FRK: variants seen among roughly 807,000 people sequenced by gnomAD.
The protein encoded by FRK is fyn related Src family tyrosine kinase, also known as tyrosine-protein kinase FRK.
A neutral mutation model predicts 56.4 loss-of-function variants in FRK; 51 were observed. The observed-to-expected ratio is 0.90, with a 90% CI of 0.72 to 1.14. The LOEUF is 1.14. Ranked by LOEUF, FRK falls within the 50% of genes most tolerant of loss-of-function variation. The pLI, the probability that FRK is intolerant of heterozygous loss-of-function variation, is 0.00. For missense variants in FRK, 570 were observed against 601.4 expected, an observed-to-expected ratio of 0.95 and a Z score of 0.55; for synonymous variants, 245 against 217.9, an observed-to-expected ratio of 1.12 and a Z score of -1.10.
At chr6:115,950,596 G>A (rs1489826256) in intron 5 of FRK, among the ~76,000 whole-genome samples, 1 of 152,206 alleles carries the variant, frequency 6.6e-6, no homozygotes, top group Non-Finnish European at 1.5e-5. Flanking sequence ...CAACCATTGT[G>A]GAGGACAGTG....
intron 1 of FRK, among the ~76,000 whole-genome samples, chr6:116,052,842 A>G (rs1315718099): frequency 2.0e-5 from 3 of 152,170 alleles, no homozygotes; most frequent in Non-Finnish European, 4.4e-5. Context: ...AGCTCAGACT[A>G]GAGTGGGGGT....
the FRK span, among the ~76,000 whole-genome samples, chr6:116,098,906 A>G: frequency 6.6e-6 from 1 of 152,340 alleles, no homozygotes; most frequent in South Asian, 2.1e-4. Context: ...TACAAAGGAA[A>G]GGTGAGTGGG....
intron 2 of FRK, 21 bp downstream of exon 2, chr6:116,003,856 G>C (rs1775151582): frequency 6.2e-7 from 1 of 1,611,956 alleles, no homozygotes; most frequent in Non-Finnish European, 8.5e-7. Flanking sequence ...CATATTGAAT[G>C]ACACAAAACA....
At chr6:116,045,685 A>G (rs1040729570) in intron 1 of FRK, among the ~76,000 whole-genome samples, 1 of 152,248 alleles carries the variant, frequency 6.6e-6, no homozygotes, top group Non-Finnish European at 1.5e-5. Flanking sequence ...CAAAGACTTC[A>G]AGACTAAAAG....
chr6:116,070,161 G>A, the FRK span, among the ~76,000 whole-genome samples: 1 of 147,550 alleles, frequency 6.8e-6, no homozygotes. Flanking sequence ...ACCTGCTAAA[G>A]TGACTTGCTT....
At chr6:116,084,107 C>T in the FRK span, among the ~76,000 whole-genome samples, 18 of 152,232 alleles carry the variant, frequency 1.2e-4, no homozygotes, top group African/African-American at 4.3e-4. Flanking sequence ...AAAGCAAATG[C>T]ACCAAGGCAA....
intron 2 of FRK, chr6:116,002,856 G>T: frequency 5.8e-6 from 2 of 346,962 alleles, no homozygotes; most frequent in Non-Finnish European, 1.2e-5. Flanking sequence ...CTGATATTTG[G>T]GACTACCAGG....
intron 1 of FRK, among the ~76,000 whole-genome samples, chr6:116,022,316 T>G (rs976120925): frequency 6.6e-6 from 1 of 152,092 alleles, no homozygotes; most frequent in Non-Finnish European, 1.5e-5. Context: ...TTCCAATTTG[T>G]TTTATGACAC....
chr6:115,997,086 G>A (rs1247456090), intron 2 of FRK, among the ~76,000 whole-genome samples: 1 of 152,130 alleles, frequency 6.6e-6, no homozygotes, highest in Non-Finnish European at 1.5e-5. Flanking sequence ...TATCAAAGCT[G>A]CCCTTAATGA....
At chr6:116,020,069 TCAA>T (rs966583394) in intron 1 of FRK, among the ~76,000 whole-genome samples, 7 of 152,022 alleles carry the variant, frequency 4.6e-5, no homozygotes, top group African/African-American at 7.2e-5. Flanking sequence ...TTCTAAACTA[TCAA>T]CAACAAAAAA....
intron 2 of FRK, among the ~76,000 whole-genome samples, chr6:115,992,238 T>C (rs1366492391): frequency 6.6e-6 from 1 of 151,688 alleles, no homozygotes; most frequent in Non-Finnish European, 1.5e-5. Flanking sequence ...TTGCTTTTAC[T>C]CTCTACTAAG....
At chr6:116,074,977 T>A in the FRK span, among the ~76,000 whole-genome samples, 1 of 152,096 alleles carries the variant, frequency 6.6e-6, no homozygotes, top group Non-Finnish European at 1.5e-5. Flanking sequence ...CTGGGACCTA[T>A]CCGATTCCCC....
chr6:116,016,734 T>C (rs2114725597), intron 1 of FRK, among the ~76,000 whole-genome samples: 1 of 152,306 alleles, frequency 6.6e-6, no homozygotes, highest in Non-Finnish European at 1.5e-5. Context: ...CTTCATTCTT[T>C]CTTTCTTTCT....
At chr6:115,958,704 GAAGAAAGA>G (rs778214232) in intron 4 of FRK, among the ~76,000 whole-genome samples, 24 of 6,964 alleles carry the variant, frequency 3.4e-3, no homozygotes, top group African/African-American at 9.7e-3. Context: ...AAGAAAGAAA[GAAGAAAGA>G]AAGAAAGAAA....
At chr6:115,986,394 A>C (rs9918446) in intron 2 of FRK, among the ~76,000 whole-genome samples, 477 of 152,240 alleles carry the variant, frequency 3.1e-3, no homozygotes, top group African/African-American at 0.011. Flanking sequence ...CCATGACCAA[A>C]CCAGCAGCCA....
At chr6:115,963,066 T>TA (rs1773444293) in intron 4 of FRK, among the ~76,000 whole-genome samples, 2 of 58,484 alleles carry the variant, frequency 3.4e-5, no homozygotes, top group African/African-American at 5.4e-5. Flanking sequence ...CTGAAGGAGA[T>TA]AGAGACACAA....
intron 5 of FRK, among the ~76,000 whole-genome samples, chr6:115,949,974 G>C (rs1017658107): frequency 1.3e-5 from 2 of 152,168 alleles, no homozygotes; most frequent in African/African-American, 4.8e-5. Flanking sequence ...AAACTGGCTA[G>C]CCATATGCAG....
chr6:116,084,141 C>A, the FRK span, among the ~76,000 whole-genome samples: 2 of 152,168 alleles, frequency 1.3e-5, no homozygotes, highest in Non-Finnish European at 1.5e-5. Context: ...CCCACTAGCA[C>A]TAACTACTCA....
chr6:115,969,760 G>A (rs552561740), intron 2 of FRK, among the ~76,000 whole-genome samples: 24 of 152,306 alleles, frequency 1.6e-4, no homozygotes, highest in Non-Finnish European at 3.4e-4. Flanking sequence ...GCTTGCCTGA[G>A]AAGAGAAGCA....
Sources: gnomAD v4.1 joint callset for allele counts (sites outside exome capture counted in the v4.1 genomes callset) on GRCh38, gnomAD v4.1.1 for gene constraint, MANE v1.5 for transcripts, NCBI Gene and HGNC (gene_info 2026-07-23, HGNC 2026-07-21) for gene names.